Variants in DHX33 observed in about 807,000 individuals in gnomAD.
DHX33 encodes the protein ATP-dependent RNA helicase DHX33.
In DHX33, 42 loss-of-function variants were observed where a neutral mutation model predicts 72.5. That is an observed-to-expected ratio of 0.58 (90% confidence interval 0.45 to 0.75). The LOEUF is 0.75. Ranked by LOEUF, DHX33 falls within the 30% of genes least tolerant of loss-of-function variation. DHX33 has a pLI of 0.00. For missense variants in DHX33, 842 were observed against 917.5 expected (o/e 0.92, Z 1.06); for synonymous variants, 358 against 366.1 (o/e 0.98, Z 0.25).
chr17:5,467,907 CCTTTTT>C (rs951586023), intron 1 of DHX33, among the ~76,000 whole-genome samples: 10 of 152,284 alleles, frequency 6.6e-5, no homozygotes, highest in African/African-American at 2.4e-4. Flanking sequence ...GTGTTTCTTT[CCTTTTT>C]CTTTAACTCT....
At position 5,468,937 on chromosome 17, in the gene DHX33, C is replaced by G. The variant is rs777974313; in HGVS notation, c.-78G>C. 32 of 1,453,136 alleles carry G rather than the reference C, an allele frequency of 2.2e-5. No individual in the cohort carries two copies. In the Middle Eastern group the frequency reaches 6.8e-4, roughly 31 times the overall value. The allele number at this position is 1,453,136 out of a possible 1,614,324, so 90.0% of individuals were successfully genotyped here. On this transcript the variant is annotated 5_prime_UTR_variant, in exon 1 of 12. Transcript: ENST00000225296. ...CTCAGGTGCAGACAACAGGAGCACA[C>G]CGCCCCTTCCTCGCCGCCACGTGCT...
At chr17:5,468,009 A>T (rs1199092352) in intron 1 of DHX33, among the ~76,000 whole-genome samples, 1 of 151,994 alleles carries the variant, frequency 6.6e-6, no homozygotes, top group Admixed American at 6.6e-5. Context: ...CTCACTCTCT[A>T]TTCCTTTGAC....
At position 5,468,832 on chromosome 17, in the gene DHX33, C is replaced by T. The variant is rs991324396; in HGVS notation, c.28G>A (p.Ala10Thr). The T allele has an allele frequency of 2.6e-6, 4 of 1,567,626 alleles. No homozygotes were observed. Among genetic ancestry groups the T allele is most frequent in the Non-Finnish European group, 3.5e-6 (4 of 1,157,348 alleles). Residue 10 changes from alanine to threonine, a missense_variant, in exon 1 of 12, where the codon GCC (alanine) becomes ACC (threonine). Transcript: ENST00000225296. ...CCAGAGCCTGGCCGGAATCTCTTGG[C>T]CGGCGGGAAGCCCGCCTCCTCCGGC... MPEEAGFPP[A>T]KRFRPGSGPP...
At chr17:5,457,699 A>G (rs1904387114) in intron 4 of DHX33, among the ~76,000 whole-genome samples, 2 of 152,062 alleles carry the variant, frequency 1.3e-5, no homozygotes, top group African/African-American at 2.4e-5. Flanking sequence ...AAAAATACGT[A>G]TTTTTTAATA....
chr17:5,461,936 CT>C (rs35332211), intron 3 of DHX33, among the ~76,000 whole-genome samples: 2,134 of 113,624 alleles, frequency 0.019, 15 homozygotes, highest in Non-Finnish European at 0.022. Flanking sequence ...TGAACTTTCA[CT>C]TTTTTTTTTT....
At chr17:5,465,450 C>T (rs772534967) in intron 1 of DHX33, among the ~76,000 whole-genome samples, 8 of 152,318 alleles carry the variant, frequency 5.3e-5, no homozygotes, top group South Asian at 2.1e-4. Context: ...AAGTAAAATA[C>T]AAAATGCTTG....
At chr17:5,458,364 G>C (rs1904426091) in intron 4 of DHX33, among the ~76,000 whole-genome samples, 1 of 152,048 alleles carries the variant, frequency 6.6e-6, no homozygotes, top group South Asian at 2.1e-4. Flanking sequence ...TTGCACAACT[G>C]TGTTGTTCAA....
intron 2 of DHX33, among the ~76,000 whole-genome samples, chr17:5,463,005 G>A (rs1904711914): frequency 6.6e-6 from 1 of 152,046 alleles, no homozygotes; most frequent in Non-Finnish European, 1.5e-5. Context: ...TTGCTTGGTT[G>A]GAGGCGGAAG....
rs777462453 is a variant in DHX33, at chr17:5,455,182, A to C, written c.1125T>G (p.Val375=). Residue 375 remains valine (V), a synonymous_variant, in exon 6 of 12, where the codon GTT becomes GTG. Coordinates refer to ENST00000225296, the MANE Select transcript of DHX33 (RefSeq NM_020162.4). ...GIKYVVDTGM[V]KAKKYNPDSG... The stretch of plus-strand genomic sequence containing the variant: ...CACCAGGGTTATACTTCTTTGCTTT[A>C]ACCATGCCCGTGTCAACTACATATT... The C allele has an allele frequency of 4.3e-6, 7 of 1,614,112 alleles. No individual in the cohort carries two copies. Among genetic ancestry groups the C allele is most frequent in the Non-Finnish European group, 5.9e-6 (7 of 1,179,948 alleles).
chr17:5,441,181 T>G lies in DHX33; in HGVS notation c.*3024A>C, dbSNP rs1185041595. The stretch of plus-strand genomic sequence containing the variant: ...GGCAGTTCCTGGTAGCTGGATTTAG[T>G]GGATTTATATATGACAGTACAGTAC... On this transcript the variant is annotated 3_prime_UTR_variant, in exon 12 of 12. Coordinates refer to ENST00000225296, the MANE Select transcript of DHX33 (RefSeq NM_020162.4). 6.6e-6 allele frequency: 1 copy of G among 152,052 alleles called. No individual in the cohort carries two copies. The highest frequency in any genetic ancestry group is 1.5e-5 in the Non-Finnish European group (1 of 68,010). The allele number at this position is 152,052 out of a possible 1,614,324, so 9.4% of individuals were successfully genotyped here.
intron 11 of DHX33, among the ~76,000 whole-genome samples, chr17:5,448,439 C>G (rs1916749168): frequency 6.6e-6 from 1 of 152,152 alleles, no homozygotes. Flanking sequence ...TTATAAATCA[C>G]TATTTTCTGC....
At chr17:5,450,627 C>G (rs181369530) in intron 9 of DHX33, among the ~76,000 whole-genome samples, 180 bp downstream of exon 9, 285 of 152,298 alleles carry the variant, frequency 1.9e-3, no homozygotes, top group African/African-American at 6.6e-3. Context: ...GGTAGGGGCT[C>G]TTAACTTCAT....
At chr17:5,467,506 A>G (rs1904926408) in intron 1 of DHX33, among the ~76,000 whole-genome samples, 1 of 152,242 alleles carries the variant, frequency 6.6e-6, no homozygotes. Context: ...AAAAGGTATC[A>G]GCCTAATGGC....
intron 10 of DHX33, 33 bp downstream of exon 10, chr17:5,450,170 A>G: frequency 6.2e-7 from 1 of 1,612,128 alleles, no homozygotes; most frequent in Non-Finnish European, 8.5e-7. Flanking sequence ...ACAAGCAGCT[A>G]TCGCTGGAGA....
At position 5,441,458 on chromosome 17, in the gene DHX33, C is replaced by T. The variant is rs1029939763; in HGVS notation, c.*2747G>A. On this transcript the variant is annotated 3_prime_UTR_variant, in exon 12 of 12. Transcript: ENST00000225296. Reference sequence around the variant, plus strand: ...TGGTGATTCTTCCAGATATGGGTTTCGTAGGTTGGCAAAGAGTTATCACAC... The same window carrying T: ...TGGTGATTCTTCCAGATATGGGTTTTGTAGGTTGGCAAAGAGTTATCACAC... 1.2e-4 allele frequency: 19 copies of T among 152,232 alleles called. No individual in the cohort carries two copies. The highest frequency in any genetic ancestry group is 6.5e-4 in the Admixed American group (10 of 15,284). 9.4% of individuals were successfully genotyped at this position (152,232 alleles called of 1,614,324 possible). A position where few individuals can be genotyped will look rare whatever the true frequency, so the allele number is the denominator to read the frequency against.
At chr17:5,445,629 T>C (rs1916630031) in intron 11 of DHX33, among the ~76,000 whole-genome samples, 1 of 152,222 alleles carries the variant, frequency 6.6e-6, no homozygotes. Context: ...GGACCTAAGC[T>C]GGCCAGCTTT....
At position 5,444,039 on chromosome 17, in the gene DHX33, T is replaced by C. The variant is rs1448475744; in HGVS notation, c.*166A>G. 3 of 730,954 alleles carry C rather than the reference T, an allele frequency of 4.1e-6. No individual in the cohort carries two copies. The highest frequency in any genetic ancestry group is 4.4e-6 in the Non-Finnish European group (2 of 455,820). 45.3% of individuals were successfully genotyped at this position (730,954 alleles called of 1,614,324 possible). A position where few individuals can be genotyped will look rare whatever the true frequency, so the allele number is the denominator to read the frequency against. On this transcript the variant is annotated 3_prime_UTR_variant, in exon 12 of 12. Transcript: ENST00000225296. The surrounding 1 kb of genome is among the most constrained non-coding windows in gnomAD (Gnocchi z 4.9). ...TACAAATGATATGTCCATGTCTATATGGTTCAGTCCCAGGAGTTGAGCAAA... is the reference window on the plus strand; with the variant it reads ...TACAAATGATATGTCCATGTCTATACGGTTCAGTCCCAGGAGTTGAGCAAA...
intron 11 of DHX33, among the ~76,000 whole-genome samples, chr17:5,445,886 C>T (rs1000334367): frequency 6.6e-6 from 1 of 152,134 alleles, no homozygotes; most frequent in African/African-American, 2.4e-5. Flanking sequence ...CTCAGAGATA[C>T]CTTTCCATCC....
Position 5,441,470 on chromosome 17 carries a change from A to G in DHX33, c.*2735T>C, listed in dbSNP as rs940035310. 6.6e-6 allele frequency: 1 copy of G among 152,186 alleles called. No individual in the cohort carries two copies. The highest frequency in any genetic ancestry group is 1.5e-5 in the Non-Finnish European group (1 of 68,030). The allele number at this position is 152,186 out of a possible 1,614,324, so 9.4% of individuals were successfully genotyped here. ...CAGATATGGGTTTCGTAGGTTGGCA[A>G]AGAGTTATCACACCATCAGAGATTT... On this transcript the variant is annotated 3_prime_UTR_variant, in exon 12 of 12. Transcript: ENST00000225296.
Sources: allele counts gnomAD v4.1 joint callset (sites outside exome capture counted in the v4.1 genomes callset), GRCh38; gene constraint gnomAD v4.1.1; non-coding constraint Gnocchi (gnomAD v3.1); transcripts MANE v1.5; gene names NCBI Gene and HGNC (gene_info 2026-07-23, HGNC 2026-07-21).